The following NOS1AP variants were observed in gnomAD, a reference collection of about 807,000 sequenced individuals.
The protein encoded by NOS1AP is nitric oxide synthase 1 adaptor protein.
Under a neutral mutation model 56.2 loss-of-function variants are expected in NOS1AP, and 21 were observed. That is an observed-to-expected ratio of 0.37 (90% CI 0.26 to 0.54). The LOEUF is 0.54. Ranked by LOEUF, NOS1AP falls within the 20% of genes least tolerant of loss-of-function variation. The pLI is 0.84. For missense variants in NOS1AP, 522 were observed against 657.8 expected, an observed-to-expected ratio of 0.79 and a Z score of 2.26; for synonymous variants, 270 against 274.6, an observed-to-expected ratio of 0.98 and a Z score of 0.17.
intron 2 of NOS1AP, among the ~76,000 whole-genome samples, chr1:162,185,322 G>T (rs1461772355): frequency 6.6e-6 from 1 of 152,210 alleles, no homozygotes; most frequent in Non-Finnish European, 1.5e-5. Context: ...CATCTTTGGG[G>T]AGGATGCAGC....
chr1:162,167,676 T>C (rs1162607846), intron 2 of NOS1AP, among the ~76,000 whole-genome samples: 1 of 152,216 alleles, frequency 6.6e-6, no homozygotes, highest in Non-Finnish European at 1.5e-5. Context: ...TGAGGGGGTC[T>C]CTCCCGAGCC....
At chr1:162,228,498 A>G (rs1653014710) in intron 2 of NOS1AP, among the ~76,000 whole-genome samples, 2 of 152,232 alleles carry the variant, frequency 1.3e-5, no homozygotes, top group South Asian at 4.1e-4. Flanking sequence ...CAGAGCTTTC[A>G]ACAGTCTCTC....
chr1:162,330,769 C>T (rs951875889), intron 4 of NOS1AP, among the ~76,000 whole-genome samples: 1 of 152,164 alleles, frequency 6.6e-6, no homozygotes, highest in Non-Finnish European at 1.5e-5. Context: ...ACACTGTTTA[C>T]AGGATGTTGT....
At position 162,155,289 on chromosome 1, in the gene NOS1AP, C is replaced by CATACATGT. The variant is rs1649907004; in HGVS notation, c.177+816_177+817insCATGTATA. ...ATACACATACATATACACATATATA[C>CATACATGT]ATATATATGTATATGTATGTGTATA... On this transcript the variant is annotated intron_variant, in intron 2 of 9. Transcript: ENST00000361897. Among the ~76,000 whole-genome samples, 12 of 142,016 alleles carry CATACATGT rather than the reference C, an allele frequency of 8.4e-5. No homozygotes were observed. The South Asian group carries it at 2.7e-3, about 32-fold the overall frequency. The allele number at this position is 142,016 out of a possible 152,430, so 93.2% of individuals were successfully genotyped here.
intron 2 of NOS1AP, among the ~76,000 whole-genome samples, chr1:162,259,171 T>C (rs1654127844): frequency 6.6e-6 from 1 of 152,206 alleles, no homozygotes; most frequent in South Asian, 2.1e-4. Flanking sequence ...TGTACTCTCA[T>C]CTTTTGTGAG....
chr1:162,119,561 A>G (rs1371343706), intron 1 of NOS1AP, among the ~76,000 whole-genome samples: 1 of 152,204 alleles, frequency 6.6e-6, no homozygotes, highest in East Asian at 1.9e-4. Flanking sequence ...TACTGCTGCT[A>G]TTCTTTTTTT....
At chr1:162,091,196 G>C (rs1692122274) in intron 1 of NOS1AP, among the ~76,000 whole-genome samples, 1 of 152,128 alleles carries the variant, frequency 6.6e-6, no homozygotes, top group South Asian at 2.1e-4. Flanking sequence ...TTCTCTTGGT[G>C]TGGAGTCCTG....
chr1:162,347,398 C>T (rs548258222), intron 6 of NOS1AP, among the ~76,000 whole-genome samples: 64 of 152,290 alleles, frequency 4.2e-4, no homozygotes, highest in African/African-American at 1.4e-3. Context: ...GGAGTGAAAG[C>T]GGTTGGACGC....
intron 2 of NOS1AP, among the ~76,000 whole-genome samples, chr1:162,193,950 G>A (rs1047464337): frequency 1.3e-5 from 2 of 152,126 alleles, no homozygotes; most frequent in Non-Finnish European, 2.9e-5. Flanking sequence ...GAGATCCAAG[G>A]CAGAGCTGCC....
At chr1:162,107,943 A>G (rs1313125358) in intron 1 of NOS1AP, among the ~76,000 whole-genome samples, 1 of 140,946 alleles carries the variant, frequency 7.1e-6, no homozygotes, top group Non-Finnish European at 1.6e-5. Context: ...GGAAGGAAAC[A>G]TTGACATTTG....
At chr1:162,235,592 A>C (rs1653265856) in intron 2 of NOS1AP, among the ~76,000 whole-genome samples, 1 of 152,176 alleles carries the variant, frequency 6.6e-6, no homozygotes, top group Non-Finnish European at 1.5e-5. Flanking sequence ...CTGCATGGGG[A>C]GATCAAAGCT....
At chr1:162,253,207 C>T (rs4295867) in intron 2 of NOS1AP, among the ~76,000 whole-genome samples, 72,294 of 151,964 alleles carry the variant, frequency 0.48, 18,108 homozygotes, top group East Asian at 0.78. Flanking sequence ...TTGCCCTCTC[C>T]ACACTTCTTC....
rs190866349 is a variant in NOS1AP at position 162,231,901 on chromosome 1, A to G, written c.178-55443A>G. On this transcript the variant is annotated intron_variant, in intron 2 of 9. Transcript: ENST00000361897. ...AGAAACCACCTATGTATTGAAAAAG[A>G]AAGGAAATACACTGAAATCTTAGCA... Among the ~76,000 whole-genome samples, 4 of 152,376 alleles carry G rather than the reference A, an allele frequency of 2.6e-5. No individual in the cohort carries two copies. The East Asian group carries it at 7.7e-4, about 29-fold the overall frequency.
At chr1:162,197,321 G>A (rs745886579) in intron 2 of NOS1AP, among the ~76,000 whole-genome samples, 20 of 152,312 alleles carry the variant, frequency 1.3e-4, no homozygotes, top group Non-Finnish European at 1.9e-4. Flanking sequence ...ATGCTTAATT[G>A]CATGATGGTG....
intron 2 of NOS1AP, among the ~76,000 whole-genome samples, chr1:162,230,221 C>T (rs77455685): frequency 8.9e-4 from 135 of 152,226 alleles, no homozygotes; most frequent in African/African-American, 3.1e-3. Context: ...TCCACTGGGG[C>T]GCCAGCAAAA....
intron 1 of NOS1AP, among the ~76,000 whole-genome samples, chr1:162,148,023 G>A (rs556973220): frequency 1.1e-4 from 17 of 152,212 alleles, no homozygotes; most frequent in Admixed American, 2.0e-4. Context: ...CACCCCTCTC[G>A]GTAAACCAGG....
intron 2 of NOS1AP, among the ~76,000 whole-genome samples, chr1:162,239,826 A>G (rs978567372): frequency 1.3e-5 from 2 of 152,256 alleles, no homozygotes; most frequent in African/African-American, 4.8e-5. Context: ...CTCAATGAGT[A>G]TAATGACTTC....
intron 2 of NOS1AP, among the ~76,000 whole-genome samples, chr1:162,269,833 A>G (rs1479592251): frequency 6.7e-6 from 1 of 150,142 alleles, no homozygotes; most frequent in East Asian, 2.1e-4. Flanking sequence ...CAGTAGCCTG[A>G]TTTCCTAAAA....
In NOS1AP at chr1:162,356,916, G is replaced by A. The variant is rs1657721021; in HGVS notation, c.763-44G>A. 2.5e-6 allele frequency: 4 copies of A among 1,613,230 alleles called. No homozygotes were observed. In the South Asian group the frequency reaches 4.4e-5, roughly 18 times the overall value. On this transcript the variant is annotated intron_variant, in intron 7 of 9. Coordinates refer to ENST00000361897, the MANE Select transcript of NOS1AP (RefSeq NM_014697.3). ...CAAAGAGAGGGAGGCCCCTCAAGAT[G>A]GCTCCTGCCACATGTCATGTCCTGT...
Sources: gnomAD v4.1 joint callset for allele counts (sites outside exome capture counted in the v4.1 genomes callset) on GRCh38, gnomAD v4.1.1 for gene constraint, MANE v1.5 for transcripts, NCBI Gene and HGNC (gene_info 2026-07-23, HGNC 2026-07-21) for gene names.